The following CCSER2 variants were observed in gnomAD, a reference collection of about 807,000 sequenced individuals.
CCSER2 encodes coiled-coil serine rich protein 2.
CCSER2 carries 46 observed loss-of-function variants against 92.3 expected under a neutral mutation model. The ratio of observed to expected loss-of-function variants is 0.50; its 90% CI spans 0.39 to 0.64. The LOEUF (loss-of-function observed/expected upper bound fraction) is 0.64, where lower values mean the gene tolerates loss of function less well. Among genes scored for constraint, CCSER2 ranks in the 30% least tolerant of loss-of-function variants. CCSER2 has a pLI of 0.00. For missense variants in CCSER2, 1,244 were observed against 1,238.9 expected (o/e 1.00, Z -0.06); for synonymous variants, 433 against 431.4 (o/e 1.00, Z -0.04).
intron 3 of CCSER2, among the ~76,000 whole-genome samples, chr10:84,376,900 A>G (rs1281524622): frequency 1.3e-5 from 2 of 152,016 alleles, no homozygotes; most frequent in Non-Finnish European, 2.9e-5. Context: ...GTAGTATTGC[A>G]TTGAGATTTT....
chr10:84,502,002 T>TAA (rs891209168), intron 9 of CCSER2, among the ~76,000 whole-genome samples: 1 of 148,332 alleles, frequency 6.7e-6, no homozygotes, highest in African/African-American at 2.5e-5. Flanking sequence ...TTCACAGCCT[T>TAA]TTAATAACTA....
At chr10:84,396,260 T>C (rs1449680122) in intron 3 of CCSER2, among the ~76,000 whole-genome samples, 3 of 150,394 alleles carry the variant, frequency 2.0e-5, no homozygotes, top group Non-Finnish European at 3.0e-5. Flanking sequence ...GTTATAGATA[T>C]AGTATATATA....
intron 6 of CCSER2, among the ~76,000 whole-genome samples, chr10:84,457,543 A>G (rs1353710723): frequency 8.4e-6 from 1 of 118,776 alleles, no homozygotes; most frequent in Non-Finnish European, 1.6e-5. Flanking sequence ...ATAATTATAT[A>G]TAATGTATAT....
intron 2 of CCSER2, among the ~76,000 whole-genome samples, chr10:84,373,084 C>T (rs939806661): frequency 1.8e-4 from 27 of 151,848 alleles, no homozygotes; most frequent in African/African-American, 6.3e-4. Context: ...GCCCATATAC[C>T]TGAATAAAGA....
At chr10:84,373,424 A>G (rs1053327391) in intron 2 of CCSER2, among the ~76,000 whole-genome samples, 195 bp from the exon 3 acceptor site, 1 of 152,082 alleles carries the variant, frequency 6.6e-6, no homozygotes, top group African/African-American at 2.4e-5. Flanking sequence ...CTATTAGAAA[A>G]TATTTCAGTA....
chr10:84,368,307 G>A (rs11201007), intron 1 of CCSER2, among the ~76,000 whole-genome samples: 18,622 of 151,518 alleles, frequency 0.12, 3,310 homozygotes, highest in African/African-American at 0.4. Flanking sequence ...TTTTCTGTCC[G>A]CTACTTTTTA....
chr10:84,484,131 G>A (rs1296444327), intron 9 of CCSER2, among the ~76,000 whole-genome samples: 2 of 150,712 alleles, frequency 1.3e-5, no homozygotes, highest in East Asian at 2.0e-4. Context: ...CCGCCACTAT[G>A]CTTGGCTAAT....
At position 84,514,083 on chromosome 10, in the gene CCSER2, C is replaced by T. The variant is rs777997727; in HGVS notation, c.2960C>T (p.Ser987Phe). ...TCTAAGCTCCGCCCCCCCTCAGGCT[C>T]TTTCAAACAAAAACAAACAAACAGC... is the stretch of plus-strand genomic sequence containing the variant. ...KASKLRPPSG[S>F]FKQKQTNSPQ... is the part of the protein sequence containing the mutation. Residue 987 changes from serine (S) to phenylalanine (F), a missense_variant, in exon 10 of 10, where the codon TCT becomes TTT. Ser to Phe is a radical substitution (Grantham distance 155). Transcript: ENST00000372088. The T allele has an allele frequency of 2.6e-6, 4 of 1,536,096 alleles. No homozygotes were observed. Among genetic ancestry groups the T allele is most frequent in the South Asian group, 2.4e-5 (2 of 84,060 alleles).
intron 9 of CCSER2, among the ~76,000 whole-genome samples, chr10:84,482,740 G>T (rs569878842): frequency 6.6e-6 from 1 of 152,240 alleles, no homozygotes; most frequent in African/African-American, 2.4e-5. Flanking sequence ...TCTCTACGCA[G>T]GGAGAACAGG....
In CCSER2 at chr10:84,514,289, A is replaced by G. The variant is rs921437237; in HGVS notation, c.*22A>G. ...TTAAGTACATAGCCATCACCTGCCA[A>G]TTTGTTTCTTAAAAACAATCTCTTC... On this transcript the variant is annotated 3_prime_UTR_variant, in exon 10 of 10. Transcript: ENST00000372088. 2 of 1,478,110 alleles carry G rather than the reference A, an allele frequency of 1.4e-6. No homozygotes were observed. The highest frequency in any genetic ancestry group is 1.8e-6 in the Non-Finnish European group (2 of 1,100,990). 91.6% of individuals were successfully genotyped at this position (1,478,110 alleles called of 1,614,324 possible). A position where few individuals can be genotyped will look rare whatever the true frequency, so the allele number is the denominator to read the frequency against.
intron 6 of CCSER2, among the ~76,000 whole-genome samples, chr10:84,453,197 G>A (rs1845403687): frequency 6.6e-6 from 1 of 150,888 alleles, no homozygotes; most frequent in Non-Finnish European, 1.5e-5. Context: ...TGGTATATGG[G>A]GCTTTCACTT....
At chr10:84,500,155 C>T (rs1848651578) in intron 9 of CCSER2, 1 of 239,666 alleles carries the variant, frequency 4.2e-6, no homozygotes, top group Non-Finnish European at 6.7e-6. Flanking sequence ...TACTTAGAGC[C>T]TTATGGAAGC....
At chr10:84,447,521 GA>G (rs1403320118) in intron 6 of CCSER2, among the ~76,000 whole-genome samples, 6 of 151,992 alleles carry the variant, frequency 3.9e-5, no homozygotes, top group Admixed American at 1.3e-4. Context: ...ATCCTTTGAT[GA>G]AAAAAAGTTC....
rs1846084614 is a variant in CCSER2, at chr10:84,371,973, AGGT to A, written c.923_925del (p.Gly308del). On this transcript the variant is annotated inframe_deletion, in exon 2 of 10. Transcript: ENST00000372088. ...AGAAGTTGGCTTTACCAAATGGCCCAGGTGTAACTTCTACTTTAGGTTATAGAA... is the reference window on the plus strand; with the variant it reads ...AGAAGTTGGCTTTACCAAATGGCCCAGTAACTTCTACTTTAGGTTATAGAA... 6.2e-7 allele frequency: 1 copy of A among 1,613,776 alleles called. No individual in the cohort carries two copies. The highest frequency in any genetic ancestry group is 8.5e-7 in the Non-Finnish European group (1 of 1,179,758).
intron 3 of CCSER2, among the ~76,000 whole-genome samples, chr10:84,406,461 A>G (rs1842382713): frequency 1.3e-5 from 2 of 152,266 alleles, no homozygotes; most frequent in Non-Finnish European, 2.9e-5. Context: ...TTTGTAGTGG[A>G]GGAGATATGT....
chr10:84,500,001 C>G (rs777318236), intron 9 of CCSER2: 10 of 1,613,350 alleles, frequency 6.2e-6, no homozygotes, highest in African/African-American at 1.3e-5. Context: ...CTGGCTTCCC[C>G]TTCATGGTAT....
At chr10:84,405,121 T>C (rs10887283) in intron 3 of CCSER2, among the ~76,000 whole-genome samples, 54,217 of 151,970 alleles carry the variant, frequency 0.36, 11,582 homozygotes, top group East Asian at 0.5. Flanking sequence ...AAAGGGACAG[T>C]CAGGTAAATC....
chr10:84,370,977 T>C (rs976656336), intron 1 of CCSER2, 37 bp from the exon 2 acceptor site: 2 of 894,112 alleles, frequency 2.2e-6, no homozygotes, highest in Non-Finnish European at 3.3e-6. Context: ...TATCCTTATT[T>C]AGGAATGTTT....
intron 3 of CCSER2, among the ~76,000 whole-genome samples, chr10:84,416,803 C>T (rs1006185037): frequency 2.0e-5 from 3 of 151,948 alleles, no homozygotes; most frequent in African/African-American, 4.8e-5. Flanking sequence ...TGGTGGTGGG[C>T]GCCTGTAGTC....
Sources: allele counts gnomAD v4.1 joint callset (sites outside exome capture counted in the v4.1 genomes callset), GRCh38; gene constraint gnomAD v4.1.1; transcripts MANE v1.5; gene names NCBI Gene and HGNC (gene_info 2026-07-23, HGNC 2026-07-21).